Variants in ANKRD31 observed in about 807,000 individuals in gnomAD.
The protein encoded by ANKRD31 is ankyrin repeat domain-containing protein 31.
In ANKRD31, 147 loss-of-function variants were observed where a neutral mutation model predicts 186.0. That is an observed-to-expected ratio of 0.79 (90% CI 0.69 to 0.91). ANKRD31 has a LOEUF of 0.91. Ranked by LOEUF, ANKRD31 falls within the 40% of genes least tolerant of loss-of-function variation. The pLI is 0.00. For missense variants in ANKRD31, 1,986 were observed against 2,148.8 expected (o/e 0.92, Z 1.50); for synonymous variants, 673 against 736.4 (o/e 0.91, Z 1.39).
At chr5:75,234,181 T>A (rs1482257337) in intron 1 of ANKRD31, among the ~76,000 whole-genome samples, 1 of 152,158 alleles carries the variant, frequency 6.6e-6, no homozygotes, top group Non-Finnish European at 1.5e-5. Flanking sequence ...TACAAATTGA[T>A]TCAAACTTTG....
At chr5:75,196,285 CTTGTTTG>C in intron 6 of ANKRD31, 85 bp from the exon 7 acceptor site, 1 of 1,130,182 alleles carries the variant, frequency 8.8e-7, no homozygotes, top group Non-Finnish European at 1.2e-6. Flanking sequence ...TATAGTTTAT[CTTGTTTG>C]TAAGCTACCC....
chr5:75,140,260 AAGG>A (rs56007035), intron 15 of ANKRD31, among the ~76,000 whole-genome samples: 72,472 of 146,146 alleles, frequency 0.5, 20,886 homozygotes, highest in African/African-American at 0.81. Context: ...GGAAGGAAGG[AAGG>A]AAGGAAAGAG....
At chr5:75,138,756 C>A in intron 16 of ANKRD31, 90 bp downstream of exon 16, 3 of 1,321,598 alleles carry the variant, frequency 2.3e-6, no homozygotes, top group Admixed American at 2.9e-5. Context: ...ACATATCAGC[C>A]AGGAACAAAT....
chr5:75,174,830 A>C (rs921603316), intron 10 of ANKRD31, among the ~76,000 whole-genome samples: 1 of 152,224 alleles, frequency 6.6e-6, no homozygotes, highest in African/African-American at 2.4e-5. Flanking sequence ...GTGATTCCTC[A>C]AGGATCTAGA....
At chr5:75,184,278 T>C (rs1754545133) in intron 10 of ANKRD31, among the ~76,000 whole-genome samples, 1 of 152,010 alleles carries the variant, frequency 6.6e-6, no homozygotes, top group Admixed American at 6.6e-5. Flanking sequence ...TAAATGTAAA[T>C]ACTGAAACTG....
At chr5:75,083,239 C>T (rs1480223473) in intron 24 of ANKRD31, among the ~76,000 whole-genome samples, 2 of 152,064 alleles carry the variant, frequency 1.3e-5, no homozygotes, top group Non-Finnish European at 2.9e-5. Context: ...GTGGAATTTT[C>T]CACTTGTACT....
chr5:75,102,448 C>T (rs964361796), intron 22 of ANKRD31, among the ~76,000 whole-genome samples: 11 of 152,220 alleles, frequency 7.2e-5, no homozygotes, highest in Non-Finnish European at 1.3e-4. Context: ...AACCACTACT[C>T]TCTTCAAAGC....
At chr5:75,230,511 G>A in intron 2 of ANKRD31, 51 bp downstream of exon 2, 2 of 1,372,648 alleles carry the variant, frequency 1.5e-6, no homozygotes, top group Non-Finnish European at 2.0e-6. Flanking sequence ...CATTAAATGG[G>A]GACTAACTGG....
At chr5:75,072,225 CTA>C (rs1339161642) in intron 25 of ANKRD31, among the ~76,000 whole-genome samples, 2 of 152,144 alleles carry the variant, frequency 1.3e-5, no homozygotes, top group Non-Finnish European at 2.9e-5. Context: ...CACAGAAAAA[CTA>C]TATTTTTCAG....
intron 17 of ANKRD31, among the ~76,000 whole-genome samples, chr5:75,134,953 A>G (rs1416282829): frequency 6.6e-6 from 1 of 152,198 alleles, no homozygotes; most frequent in East Asian, 1.9e-4. Flanking sequence ...AAAGGCCTGC[A>G]ACAAAAGTCA....
At chr5:75,142,783 A>G in intron 15 of ANKRD31, among the ~76,000 whole-genome samples, 1 of 152,104 alleles carries the variant, frequency 6.6e-6, no homozygotes. Context: ...TGTTTTAGGG[A>G]ATCCCAGATG....
At chr5:75,205,940 CA>C (rs1756148954) in intron 5 of ANKRD31, among the ~76,000 whole-genome samples, 1 of 151,848 alleles carries the variant, frequency 6.6e-6, no homozygotes. Context: ...ATCTTATGAA[CA>C]TAGGAAACAA....
chr5:75,128,370 C>A (rs1473888706), intron 17 of ANKRD31, among the ~76,000 whole-genome samples: 4 of 57,180 alleles, frequency 7.0e-5, no homozygotes, highest in South Asian at 1.4e-3. Flanking sequence ...AACAAACCTG[C>A]ACGTTCTGCA....
In ANKRD31 at chr5:75,224,133, ATATATATATATATATATATATATATATG is replaced by A. The variant is rs1452245416; in HGVS notation, c.179-1803_179-1776del. ...GAAGAGATCTCTCAGAAATAATTAT[ATATATATATATATATATATATATATATG>A]TATATATATATATATATACACACAT... On this transcript the variant is annotated intron_variant, in intron 2 of 25. Coordinates refer to ENST00000506364, the MANE Select transcript of ANKRD31 (RefSeq NM_001372053.1). Among the ~76,000 whole-genome samples the A allele has an allele frequency of 6.4e-3, 346 of 53,766 alleles. 6 individuals carry two copies. Among genetic ancestry groups the A allele is most frequent in the African/African-American group, 0.026 (256 of 9,848 alleles). 35.3% of individuals were successfully genotyped at this position (53,766 alleles called of 152,430 possible). A position where few individuals can be genotyped will look rare whatever the true frequency, so the allele number is the denominator to read the frequency against.
intron 23 of ANKRD31, among the ~76,000 whole-genome samples, chr5:75,089,884 T>C (rs150258990): frequency 9.2e-5 from 14 of 152,286 alleles, no homozygotes; most frequent in Non-Finnish European, 1.8e-4. Context: ...AATGAGGCAT[T>C]AGTACAGAGT....
At position 75,101,214 on chromosome 5, in the gene ANKRD31, G is replaced by A. The variant is rs185196184; in HGVS notation, c.5331+3014C>T. 3.4e-3 allele frequency among the ~76,000 whole-genome samples: 519 copies of A among 152,218 alleles called. 3 individuals carry two copies. The highest frequency in any genetic ancestry group is 5.8e-3 in the Admixed American group (89 of 15,286). On this transcript the variant is annotated intron_variant, in intron 22 of 25. Transcript: ENST00000506364. Reference sequence around the variant, plus strand: ...AGTTTCGCTGGATATGAAATTCTGGGTTGAAAATTCTTTTCTTTAAGAATG... The same window carrying A: ...AGTTTCGCTGGATATGAAATTCTGGATTGAAAATTCTTTTCTTTAAGAATG...
chr5:75,132,168 T>C (rs954627844), intron 17 of ANKRD31, among the ~76,000 whole-genome samples: 1 of 152,254 alleles, frequency 6.6e-6, no homozygotes, highest in African/African-American at 2.4e-5. Context: ...AGAATGACTT[T>C]GACGAGTTGA....
intron 22 of ANKRD31, among the ~76,000 whole-genome samples, chr5:75,101,268 C>T (rs1372050402): frequency 6.6e-6 from 1 of 152,102 alleles, no homozygotes; most frequent in Non-Finnish European, 1.5e-5. Flanking sequence ...TCTCTTCTGG[C>T]TTGTAGAGTT....
At chr5:75,129,488 G>C (rs563040627) in intron 17 of ANKRD31, among the ~76,000 whole-genome samples, 1 of 152,304 alleles carries the variant, frequency 6.6e-6, no homozygotes, top group African/African-American at 2.4e-5. Context: ...ACATGGCTAT[G>C]TGTAGGCTGA....
Sources: gnomAD v4.1 joint callset for allele counts (sites outside exome capture counted in the v4.1 genomes callset) on GRCh38, gnomAD v4.1.1 for gene constraint, MANE v1.5 for transcripts, NCBI Gene and HGNC (gene_info 2026-07-23, HGNC 2026-07-21) for gene names.